Variants in ZNF366 observed in about 807,000 individuals in gnomAD.
ZNF366 encodes the protein dendritic cell-specific transcript protein.
Under a neutral mutation model 47.2 loss-of-function variants are expected in ZNF366, and 20 were observed. The ratio of observed to expected loss-of-function variants is 0.42; its 90% confidence interval spans 0.30 to 0.62. The LOEUF (loss-of-function observed/expected upper bound fraction) is 0.62, where lower values mean the gene tolerates loss of function less well. Among genes scored for constraint, ZNF366 ranks in the 20% least tolerant of loss-of-function variants. The probability of loss-of-function intolerance (pLI) is 0.16; values close to 1 mark genes in which losing one functional copy is unlikely to be tolerated. For missense variants in ZNF366, 987 were observed against 976.3 expected, an observed-to-expected ratio of 1.01 and a Z score of -0.15; for synonymous variants, 421 against 395.1, an observed-to-expected ratio of 1.07 and a Z score of -0.78.
chr5:72,498,449 A>G (rs1744153876), intron 1 of ZNF366, among the ~76,000 whole-genome samples: 1 of 152,270 alleles, frequency 6.6e-6, no homozygotes, highest in African/African-American at 2.4e-5. Context: ...TCAATCCTCT[A>G]TTCTCTGACT....
At position 72,458,696 on chromosome 5, in the gene ZNF366, G is replaced by A. The variant is rs75839388; in HGVS notation, c.1332+1469C>T. Among the ~76,000 whole-genome samples the A allele has an allele frequency of 9.4e-3, 1,427 of 152,314 alleles. 27 individuals are homozygous for A. The highest frequency in any genetic ancestry group is 0.031 in the African/African-American group (1,309 of 41,566). On this transcript the variant is annotated intron_variant, in intron 2 of 4. Transcript: ENST00000318442. ...GCCTCAGTGTCTTCAACTGCAGATC[G>A]GGAGTAGCTCTTAGAGTTGTTGAGA...
At chr5:72,463,364 G>A (rs891750309) in intron 1 of ZNF366, among the ~76,000 whole-genome samples, 1 of 152,032 alleles carries the variant, frequency 6.6e-6, no homozygotes, top group Non-Finnish European at 1.5e-5. Flanking sequence ...TAACTATCTG[G>A]GCATTATTTA....
chr5:72,501,911 T>C (rs1237752989), intron 1 of ZNF366, among the ~76,000 whole-genome samples: 2 of 152,210 alleles, frequency 1.3e-5, no homozygotes, highest in African/African-American at 4.8e-5. Flanking sequence ...GACATTTTAA[T>C]ACACATGTAG....
chr5:72,456,659 A>C (rs1327315817), intron 2 of ZNF366, 64 bp from the exon 3 acceptor site: 1 of 1,453,568 alleles, frequency 6.9e-7, no homozygotes, highest in Non-Finnish European at 9.2e-7. Flanking sequence ...TCAGGATCAT[A>C]GGCTTCATTT....
intron 1 of ZNF366, among the ~76,000 whole-genome samples, chr5:72,481,645 T>A (rs1743792255): frequency 6.6e-6 from 1 of 152,228 alleles, no homozygotes; most frequent in African/African-American, 2.4e-5. Flanking sequence ...TATTACTCAT[T>A]TCTATAAATG....
chr5:72,440,566 C>T lies in ZNF366; in HGVS notation c.*3190G>A, dbSNP rs1404421646. 4.6e-5 allele frequency: 7 copies of T among 152,154 alleles called. No homozygotes were observed. The highest frequency in any genetic ancestry group is 2.1e-4 in the South Asian group (1 of 4,822). 9.4% of individuals were successfully genotyped at this position (152,154 alleles called of 1,614,324 possible). A position where few individuals can be genotyped will look rare whatever the true frequency, so the allele number is the denominator to read the frequency against. On this transcript the variant is annotated 3_prime_UTR_variant, in exon 5 of 5. Coordinates refer to ENST00000318442, the MANE Select transcript of ZNF366 (RefSeq NM_152625.3). The stretch of plus-strand genomic sequence containing the variant: ...TCATCCCTTAGTTCTCTGAGATGGC[C>T]CACATGGACTCTCCTTCAAGGCTTG...
At chr5:72,444,351 A>C (rs1742919657) in intron 4 of ZNF366, 60 bp from the exon 5 acceptor site, 1 of 1,539,682 alleles carries the variant, frequency 6.5e-7, no homozygotes, top group Non-Finnish European at 8.7e-7. Context: ...TGGGACCTTG[A>C]GGAAGGGGAG....
At chr5:72,452,146 A>G (rs925506101) in intron 3 of ZNF366, among the ~76,000 whole-genome samples, 1 of 152,250 alleles carries the variant, frequency 6.6e-6, no homozygotes, top group Admixed American at 6.5e-5. Context: ...AAGAGGTCAG[A>G]GAGCTGTGGC....
intron 3 of ZNF366, among the ~76,000 whole-genome samples, chr5:72,449,101 T>G (rs889448756): frequency 6.6e-6 from 1 of 152,214 alleles, no homozygotes; most frequent in Non-Finnish European, 1.5e-5. Context: ...AAAAGCAATA[T>G]GTAAGATAGA....
At chr5:72,489,779 C>T (rs866172229) in intron 1 of ZNF366, among the ~76,000 whole-genome samples, 2 of 152,228 alleles carry the variant, frequency 1.3e-5, no homozygotes, top group Non-Finnish European at 2.9e-5. Context: ...AGAGAACCTT[C>T]TCTCTGAAAT....
intron 1 of ZNF366, among the ~76,000 whole-genome samples, chr5:72,468,674 T>C (rs1743485060): frequency 6.6e-6 from 1 of 152,238 alleles, no homozygotes; most frequent in Admixed American, 6.5e-5. Flanking sequence ...AAAATGGATG[T>C]GGGTTTCATT....
chr5:72,499,888 G>T (rs1744180101), intron 1 of ZNF366, among the ~76,000 whole-genome samples: 1 of 151,458 alleles, frequency 6.6e-6, no homozygotes, highest in African/African-American at 2.4e-5. Context: ...GCCCCATTTT[G>T]TCCAGGCTTC....
At chr5:72,478,669 T>C (rs1342019347) in intron 1 of ZNF366, among the ~76,000 whole-genome samples, 1 of 152,230 alleles carries the variant, frequency 6.6e-6, no homozygotes, top group Non-Finnish European at 1.5e-5. Flanking sequence ...CCTACTCATT[T>C]TACATGTTGC....
intron 2 of ZNF366, among the ~76,000 whole-genome samples, chr5:72,457,688 AGCTGTTTACTG>A (rs1326254338): frequency 1.3e-5 from 2 of 152,196 alleles, no homozygotes; most frequent in Non-Finnish European, 2.9e-5. Context: ...GTCTCTGCCC[AGCTGTTTACTG>A]GCTGTAAAAC....
In ZNF366 at chr5:72,460,342, G is replaced by A; in HGVS notation, c.1155C>T (p.Thr385=). The part of the protein sequence containing the change: ...PTLAQLKRHL[T]THRGPIQYNC... ...TGTACTGGATGGGGCCCCGGTGCGT[G>A]GTGAGGTGTCTCTTCAGCTGGGCCA... The change falls in exon 2 of 5, where the codon ACC becomes ACT. Residue 385 remains threonine, a synonymous_variant. Coordinates refer to ENST00000318442, the MANE Select transcript of ZNF366 (RefSeq NM_152625.3). 1 of 1,614,262 alleles carries A rather than the reference G, an allele frequency of 6.2e-7. No individual in the cohort carries two copies. The highest frequency in any genetic ancestry group is 1.1e-5 in the South Asian group (1 of 91,090).
chr5:72,440,859 T>G lies in ZNF366; in HGVS notation c.*2897A>C, dbSNP rs1188726027. ...GTATTAACCATCAGGTTAGATCTAA[T>G]TAAGTGTCTTATGCCCAGAGTCAAC... is the stretch of plus-strand genomic sequence containing the variant. On this transcript the variant is annotated 3_prime_UTR_variant, in exon 5 of 5. Coordinates refer to ENST00000318442, the MANE Select transcript of ZNF366 (RefSeq NM_152625.3). 3 of 152,214 alleles carry G rather than the reference T, an allele frequency of 2.0e-5. No homozygotes were observed. The highest frequency in any genetic ancestry group is 7.2e-5 in the African/African-American group (3 of 41,448). 9.4% of individuals were successfully genotyped at this position (152,214 alleles called of 1,614,324 possible). A position where few individuals can be genotyped will look rare whatever the true frequency, so the allele number is the denominator to read the frequency against.
chr5:72,503,202 T>C (rs992093051), intron 1 of ZNF366, among the ~76,000 whole-genome samples: 1 of 152,214 alleles, frequency 6.6e-6, no homozygotes, highest in African/African-American at 2.4e-5. Context: ...CATATGGTTC[T>C]AGAACACTGA....
At chr5:72,480,099 C>G (rs1743762640) in intron 1 of ZNF366, among the ~76,000 whole-genome samples, 1 of 152,156 alleles carries the variant, frequency 6.6e-6, no homozygotes, top group Non-Finnish European at 1.5e-5. Context: ...CTAAATCATC[C>G]TAAAGCAAAT....
intron 1 of ZNF366, among the ~76,000 whole-genome samples, chr5:72,476,366 A>G (rs1202862681): frequency 2.6e-5 from 4 of 152,142 alleles, no homozygotes; most frequent in Non-Finnish European, 4.4e-5. Context: ...GGTGATTCTC[A>G]TGGCCATCCT....
Sources: allele counts gnomAD v4.1 joint callset (sites outside exome capture counted in the v4.1 genomes callset), GRCh38; gene constraint gnomAD v4.1.1; transcripts MANE v1.5; gene names NCBI Gene and HGNC (gene_info 2026-07-23, HGNC 2026-07-21).